The following SGCZ variants were observed in gnomAD, a reference collection of about 807,000 sequenced individuals.
The protein encoded by SGCZ is zeta-sarcoglycan.
A neutral mutation model predicts 41.3 loss-of-function variants in SGCZ; 40 were observed. That is an observed-to-expected ratio of 0.97 (90% CI 0.75 to 1.26). SGCZ has a LOEUF of 1.26. SGCZ is among the 50% of genes most tolerant of loss of function. The pLI, the probability that SGCZ is intolerant of heterozygous loss-of-function variation, is 0.00. For missense variants in SGCZ, 552 were observed against 369.8 expected (o/e 1.49, Z -4.04); for synonymous variants, 206 against 137.5 (o/e 1.50, Z -3.49).
chr8:14,479,605 C>G (rs1801465472), intron 2 of SGCZ, among the ~76,000 whole-genome samples: 1 of 152,096 alleles, frequency 6.6e-6, no homozygotes, highest in Admixed American at 6.5e-5. Flanking sequence ...CTTGCTGCTG[C>G]TTCTGCAATT....
At chr8:14,993,465 T>C (rs935178708) in intron 1 of SGCZ, among the ~76,000 whole-genome samples, 3 of 151,980 alleles carry the variant, frequency 2.0e-5, no homozygotes, top group South Asian at 2.1e-4. Flanking sequence ...AGATAGACCA[T>C]AAATAAATAA....
chr8:14,379,000 T>A (rs1182779994), intron 2 of SGCZ, among the ~76,000 whole-genome samples: 2 of 152,192 alleles, frequency 1.3e-5, no homozygotes, highest in Non-Finnish European at 2.9e-5. Context: ...ATAATACCTT[T>A]AAGTTGATCA....
At chr8:14,674,203 CT>C (rs1808199919) in intron 1 of SGCZ, among the ~76,000 whole-genome samples, 1 of 151,758 alleles carries the variant, frequency 6.6e-6, no homozygotes, top group Admixed American at 6.6e-5. Flanking sequence ...ATCCCTTTTT[CT>C]TGTTTTTTTT....
chr8:14,248,948 A>C (rs1799195314), intron 3 of SGCZ, among the ~76,000 whole-genome samples: 2 of 152,194 alleles, frequency 1.3e-5, no homozygotes, highest in African/African-American at 4.8e-5. Context: ...TGGAATTACA[A>C]AATATAAACA....
intron 2 of SGCZ, among the ~76,000 whole-genome samples, chr8:14,494,906 T>C (rs1801946918): frequency 6.6e-6 from 1 of 152,214 alleles, no homozygotes; most frequent in Non-Finnish European, 1.5e-5. Context: ...CATGAGAAGG[T>C]AGCATTATCC....
At chr8:14,971,993 G>GT (rs1469199579) in intron 1 of SGCZ, among the ~76,000 whole-genome samples, 1 of 151,992 alleles carries the variant, frequency 6.6e-6, no homozygotes, top group African/African-American at 2.4e-5. Flanking sequence ...TTGGCTTCCA[G>GT]TTTTTTCTTT....
chr8:15,151,657 G>A (rs1466360973), intron 1 of SGCZ, among the ~76,000 whole-genome samples: 1 of 152,130 alleles, frequency 6.6e-6, no homozygotes, highest in Non-Finnish European at 1.5e-5. Flanking sequence ...GGATGTACAT[G>A]TATACACATA....
At chr8:14,515,067 T>G (rs1410116809) in intron 2 of SGCZ, among the ~76,000 whole-genome samples, 5 of 151,980 alleles carry the variant, frequency 3.3e-5, no homozygotes, top group African/African-American at 1.2e-4. Context: ...AATGTCAACT[T>G]TGCTCTAGGG....
chr8:14,291,274 T>A (rs1663813628), intron 3 of SGCZ, among the ~76,000 whole-genome samples: 1 of 152,062 alleles, frequency 6.6e-6, no homozygotes, highest in African/African-American at 2.4e-5. Flanking sequence ...GTATTGTACA[T>A]TTCAAAATAG....
Position 14,975,790 on chromosome 8 carries a change from T to TAG in SGCZ, c.39+261794_39+261795insCT, listed in dbSNP as rs1801449368. On this transcript the variant is annotated intron_variant, in intron 1 of 7. Coordinates refer to ENST00000382080, the MANE Select transcript of SGCZ (RefSeq NM_139167.4). ...CTGTAACTCCACTTTTTTCCACTTT[T>TAG]ATATATATATATATATATATGTGTG... is the stretch of plus-strand genomic sequence containing the variant. Among the ~76,000 whole-genome samples the TAG allele has an allele frequency of 4.3e-5, 3 of 69,216 alleles. No individual in the cohort carries two copies. The South Asian group carries it at 1.3e-3, about 30-fold the overall frequency. The allele number at this position is 69,216 out of a possible 152,430, so 45.4% of individuals were successfully genotyped here.
intron 1 of SGCZ, among the ~76,000 whole-genome samples, chr8:14,761,873 C>G (rs1799892205): frequency 6.6e-6 from 1 of 152,034 alleles, no homozygotes; most frequent in Non-Finnish European, 1.5e-5. Flanking sequence ...GTTTTGAACT[C>G]CCAAGGGCTA....
At chr8:14,299,871 A>C (rs1035789074) in intron 3 of SGCZ, among the ~76,000 whole-genome samples, 32 of 152,148 alleles carry the variant, frequency 2.1e-4, no homozygotes, top group Admixed American at 1.0e-3. Context: ...TTTATTAATA[A>C]ATTTTGATAT....
chr8:14,517,865 T>C (rs1182439698), intron 2 of SGCZ, among the ~76,000 whole-genome samples: 1 of 151,818 alleles, frequency 6.6e-6, no homozygotes. Context: ...ATTATCATAT[T>C]TTTAAATCTC....
At chr8:15,220,027 G>C (rs527399205) in intron 1 of SGCZ, among the ~76,000 whole-genome samples, 17 of 152,248 alleles carry the variant, frequency 1.1e-4, no homozygotes, top group Middle Eastern at 3.4e-3. Flanking sequence ...CAATGCCTTT[G>C]AAATGCTTGG....
rs564127993 is a variant in SGCZ, at chr8:14,557,392, T to G, written c.40-2466A>C. Among the ~76,000 whole-genome samples, 26 of 152,126 alleles carry G rather than the reference T, an allele frequency of 1.7e-4. No individual in the cohort carries two copies. In the South Asian group the frequency reaches 3.5e-3, roughly 21 times the overall value. ...ACCCTGTGGGTTGTCTGTTTACCTT[T>G]CTGAGTGTTCCTTTTGTAATGCAAA... On this transcript the variant is annotated intron_variant, in intron 1 of 7. Transcript: ENST00000382080.
At chr8:15,001,164 T>C (rs1003442871) in intron 1 of SGCZ, among the ~76,000 whole-genome samples, 1 of 152,146 alleles carries the variant, frequency 6.6e-6, no homozygotes, top group African/African-American at 2.4e-5. Context: ...AGTATCAGGA[T>C]GGAATCAAGT....
At chr8:14,488,945 T>A (rs1390363207) in intron 2 of SGCZ, among the ~76,000 whole-genome samples, 3 of 133,526 alleles carry the variant, frequency 2.2e-5, no homozygotes, top group Non-Finnish European at 4.9e-5. Context: ...AGCAGCAGTA[T>A]CTAAAAGAAA....
intron 1 of SGCZ, among the ~76,000 whole-genome samples, chr8:15,071,659 T>A (rs893506783): frequency 6.6e-6 from 1 of 152,200 alleles, no homozygotes; most frequent in African/African-American, 2.4e-5. Context: ...TATAGACAAC[T>A]TCTGAAATGT....
At chr8:14,276,580 C>G (rs1021474453) in intron 3 of SGCZ, among the ~76,000 whole-genome samples, 1 of 152,112 alleles carries the variant, frequency 6.6e-6, no homozygotes, top group Non-Finnish European at 1.5e-5. Flanking sequence ...TTTCCTATAT[C>G]CACTGGCTTG....
Sources: allele counts gnomAD v4.1 joint callset (sites outside exome capture counted in the v4.1 genomes callset), GRCh38; gene constraint gnomAD v4.1.1; transcripts MANE v1.5; gene names NCBI Gene and HGNC (gene_info 2026-07-23, HGNC 2026-07-21).